The following PCDHAC2 variants were observed in gnomAD, a reference collection of about 807,000 sequenced individuals.
PCDHAC2 encodes the protein protocadherin alpha subfamily C, 2, also known as protocadherin alpha-C2.
A neutral mutation model predicts 63.3 loss-of-function variants in PCDHAC2; 24 were observed. The observed-to-expected ratio is 0.38, with a 90% CI of 0.27 to 0.53. PCDHAC2 has a LOEUF of 0.53. Ranked by LOEUF, PCDHAC2 falls within the 20% of genes least tolerant of loss-of-function variation. PCDHAC2 has a pLI of 0.81. For synonymous variants in PCDHAC2, 569 were observed against 529.4 expected, an observed-to-expected ratio of 1.07 and a Z score of -1.03; for missense variants, 1,181 against 1,275.2, an observed-to-expected ratio of 0.93 and a Z score of 1.12.
chr5:141,002,120 T>C (rs1416494483), intron 3 of PCDHAC2, among the ~76,000 whole-genome samples: 1 of 152,250 alleles, frequency 6.6e-6, no homozygotes, highest in African/African-American at 2.4e-5. Context: ...CTATAATCAT[T>C]TAATAGCCTT....
intron 3 of PCDHAC2, among the ~76,000 whole-genome samples, chr5:140,997,125 A>C (rs2097760835): frequency 6.6e-6 from 1 of 152,072 alleles, no homozygotes; most frequent in Admixed American, 6.6e-5. Context: ...CCACATACAC[A>C]ATGCCCCCAC....
In PCDHAC2 at chr5:140,968,959, C is replaced by T. The variant is rs782079520; in HGVS notation, c.2193C>T (p.Cys731=). ...TCATCATTTTGAGCATCATCAAGTG[C>T]TACCGCTACACTGCGTATGGCACTG... The part of the protein sequence containing the change: ...LTIIILSIIK[C]YRYTAYGTAC... Residue 731 remains cysteine (C), a synonymous_variant, in exon 1 of 4, where the codon TGC becomes TGT. Transcript: ENST00000289269. The T allele has an allele frequency of 1.5e-5, 25 of 1,614,182 alleles. 1 individual carries two copies. In the Middle Eastern group the frequency reaches 1.8e-3, roughly 117 times the overall value.
rs782213191 is a variant in PCDHAC2 at position 140,968,133 on chromosome 5, A to G, written c.1367A>G (p.Lys456Arg). The G allele has an allele frequency of 1.5e-5, 24 of 1,614,022 alleles. No individual in the cohort carries two copies. Among genetic ancestry groups the G allele is most frequent in the Middle Eastern group, 3.3e-4 (2 of 6,084 alleles). ...CAGCTCACATCCCTGCGTACACTGA[A>G]GGTTGAGATCTCTGACATCAATGAC... ...IPQLTSLRTL[K>R]VEISDINDNP... Residue 456 changes from lysine (K) to arginine (R), a missense_variant, in exon 1 of 4, where the codon AAG becomes AGG. This residue lies in a region of PCDHAC2 where 968 missense variants were observed against 1,073.5 expected (regional missense o/e 0.90). Coordinates refer to ENST00000289269, the MANE Select transcript of PCDHAC2 (RefSeq NM_018899.6).
At chr5:140,997,098 C>T (rs1328956245) in intron 3 of PCDHAC2, among the ~76,000 whole-genome samples, 12 of 152,128 alleles carry the variant, frequency 7.9e-5, no homozygotes, top group Admixed American at 5.2e-4. Context: ...GCAGAGTTCT[C>T]ATGCACTCCT....
intron 2 of PCDHAC2, 138 bp from the exon 3 acceptor site, chr5:140,982,337 A>G: frequency 6.9e-7 from 1 of 1,455,066 alleles, no homozygotes; most frequent in East Asian, 2.5e-5. Context: ...CTCAGCAGTA[A>G]TTGCTTCAGT....
At chr5:140,985,712 A>G (rs1319708410) in intron 3 of PCDHAC2, among the ~76,000 whole-genome samples, 2 of 148,826 alleles carry the variant, frequency 1.3e-5, no homozygotes, top group Non-Finnish European at 3.0e-5. Context: ...TGTTTCTTAA[A>G]GTTATTTTTC....
chr5:140,969,400 T>C (rs782765994), intron 1 of PCDHAC2, 69 bp downstream of exon 1: 2 of 1,580,682 alleles, frequency 1.3e-6, no homozygotes, highest in South Asian at 2.3e-5. Flanking sequence ...TATCCTGTGA[T>C]TTGGCTTTAT....
At chr5:140,979,817 A>G (rs1228260788) in intron 2 of PCDHAC2, among the ~76,000 whole-genome samples, 1 of 152,262 alleles carries the variant, frequency 6.6e-6, no homozygotes, top group Non-Finnish European at 1.5e-5. Flanking sequence ...AAAAGGATTT[A>G]ATTTTAAAGA....
At chr5:140,988,698 A>AT (rs782470160) in intron 3 of PCDHAC2, among the ~76,000 whole-genome samples, 115 of 152,234 alleles carry the variant, frequency 7.6e-4, no homozygotes, top group Middle Eastern at 6.8e-3. Flanking sequence ...GACGCTCTGT[A>AT]TTTTCTTGGA....
At chr5:141,005,130 T>C (rs2153983471) in intron 3 of PCDHAC2, among the ~76,000 whole-genome samples, 1 of 152,358 alleles carries the variant, frequency 6.6e-6, no homozygotes, top group South Asian at 2.1e-4. Flanking sequence ...CAAAAGTGCC[T>C]CATTGGAGAG....
chr5:141,009,739 C>A lies in PCDHAC2; in HGVS notation c.2826C>A (p.Pro942=), dbSNP rs370989006. Residue 942 remains proline, a synonymous_variant, in exon 4 of 4, where the codon CCC becomes CCA. Transcript: ENST00000289269. ...AACAATCCGGTCCCGGTGAGTTGCC[C>A]GACAAATTCATTATCCCAGGATCTC... ...NPKQSGPGEL[P]DKFIIPGSPA... 2 of 1,614,010 alleles carry A rather than the reference C, an allele frequency of 1.2e-6. No homozygotes were observed. Among genetic ancestry groups the A allele is most frequent in the Non-Finnish European group, 1.7e-6 (2 of 1,180,008 alleles).
intron 3 of PCDHAC2, among the ~76,000 whole-genome samples, chr5:140,998,062 C>A (rs2097795439): frequency 6.6e-6 from 1 of 152,176 alleles, no homozygotes; most frequent in Non-Finnish European, 1.5e-5. Flanking sequence ...TCATCATCAA[C>A]AGACTTAGCC....
intron 1 of PCDHAC2, among the ~76,000 whole-genome samples, chr5:140,974,630 A>G (rs1252889789): frequency 6.7e-6 from 1 of 149,794 alleles, no homozygotes; most frequent in Non-Finnish European, 1.5e-5. Context: ...TCCTGCCTCA[A>G]CCTCCCGAGT....
At chr5:141,003,424 G>A (rs1431935325) in intron 3 of PCDHAC2, among the ~76,000 whole-genome samples, 1 of 152,122 alleles carries the variant, frequency 6.6e-6, no homozygotes, top group Non-Finnish European at 1.5e-5. Context: ...TGATTCTTAT[G>A]CCTCAGCCTC....
At chr5:140,998,850 A>T (rs904977478) in intron 3 of PCDHAC2, among the ~76,000 whole-genome samples, 1 of 152,234 alleles carries the variant, frequency 6.6e-6, no homozygotes, top group African/African-American at 2.4e-5. Context: ...GGTGTGAGCC[A>T]CATGCCTGGC....
chr5:140,967,922 G>T lies in PCDHAC2; in HGVS notation c.1156G>T (p.Val386Phe), dbSNP rs782146005. The T allele has an allele frequency of 6.2e-7, 1 of 1,614,198 alleles. No individual in the cohort carries two copies. Among genetic ancestry groups the T allele is most frequent in the South Asian group, 1.1e-5 (1 of 91,082 alleles). ...TGCTACACCCAACACCATTGTGGCC[G>T]TTCTCAGTGTCAATGACCAAGACTC... ...ENATPNTIVA[V>F]LSVNDQDSGP... Residue 386 changes from valine (V) to phenylalanine (F), a missense_variant, in exon 1 of 4, where the codon GTT becomes TTT. Val to Phe is a conservative substitution (Grantham distance 50). This residue lies in a region of PCDHAC2 where 968 missense variants were observed against 1,073.5 expected (regional missense o/e 0.90). Transcript: ENST00000289269.
At chr5:141,004,378 G>A (rs914260481) in intron 3 of PCDHAC2, among the ~76,000 whole-genome samples, 3 of 152,198 alleles carry the variant, frequency 2.0e-5, no homozygotes, top group Admixed American at 6.5e-5. Context: ...TCTGCTCTGC[G>A]GAAGCTGGAC....
At position 140,968,115 on chromosome 5, in the gene PCDHAC2, C is replaced by T. The variant is rs199565711; in HGVS notation, c.1349C>T (p.Thr450Ile). The change falls in exon 1 of 4, where the codon ACA becomes ATA. Residue 450 changes from threonine (T) to isoleucine (I), a missense_variant. Physicochemically the swap from Thr to Ile is moderately conservative, Grantham distance 89. This residue lies in a region of PCDHAC2 where 968 missense variants were observed against 1,073.5 expected (regional missense o/e 0.90). Coordinates refer to ENST00000289269, the MANE Select transcript of PCDHAC2 (RefSeq NM_018899.6). ...TATDGGIPQL[T>I]SLRTLKVEIS... ...ACAGATGGGGGAATACCGCAGCTCACATCCCTGCGTACACTGAAGGTTGAG... is the reference window on the plus strand; with the variant it reads ...ACAGATGGGGGAATACCGCAGCTCATATCCCTGCGTACACTGAAGGTTGAG... 8.7e-6 allele frequency: 14 copies of T among 1,614,068 alleles called. No individual in the cohort carries two copies. In the Admixed American group the frequency reaches 1.2e-4, roughly 13 times the overall value.
rs782547925 is a variant in PCDHAC2, at chr5:140,967,973, G to A, written c.1207G>A (p.Gly403Ser). 4 of 1,614,170 alleles carry A rather than the reference G, an allele frequency of 2.5e-6. No individual in the cohort carries two copies. In the African/African-American group the frequency reaches 4.0e-5, roughly 16 times the overall value. Residue 403 changes from glycine to serine, a missense_variant, in exon 1 of 4, where the codon GGT becomes AGT. By Grantham distance (56) the Gly-to-Ser change is moderately conservative. Coordinates refer to ENST00000289269, the MANE Select transcript of PCDHAC2 (RefSeq NM_018899.6). ...AGGCCCCAACCGGAAAGTGAGCCTG[G>A]GTCTGGAGGCCACACTGCCTTTCCG... is the stretch of plus-strand genomic sequence containing the variant. ...DSGPNRKVSL[G>S]LEATLPFRLN...
Sources: gnomAD v4.1 joint callset for allele counts (sites outside exome capture counted in the v4.1 genomes callset) on GRCh38, gnomAD v4.1.1 for gene constraint, gnomAD v4.1.1 regional missense constraint, MANE v1.5 for transcripts, NCBI Gene and HGNC (gene_info 2026-07-23, HGNC 2026-07-21) for gene names.